Variants in PC observed in about 807,000 individuals in gnomAD.
The protein encoded by PC is pyruvate carboxylase.
In PC, 46 loss-of-function variants were observed where a neutral mutation model predicts 107.8. That is an observed-to-expected ratio of 0.43 (90% confidence interval 0.34 to 0.55). PC has a LOEUF of 0.55. Among genes scored for constraint, PC ranks in the 20% least tolerant of loss-of-function variants. The pLI is 0.04. For missense variants in PC, 1,241 were observed against 1,643.1 expected, an observed-to-expected ratio of 0.76 and a Z score of 4.23; for synonymous variants, 662 against 684.7, an observed-to-expected ratio of 0.97 and a Z score of 0.52.
At chr11:66,936,065 T>G (rs1948994075) in intron 3 of PC, among the ~76,000 whole-genome samples, 1 of 128,408 alleles carries the variant, frequency 7.8e-6, no homozygotes, top group Non-Finnish European at 1.6e-5. Context: ...AGTGACAGAG[T>G]GAGACCCTGT....
intron 3 of PC, among the ~76,000 whole-genome samples, chr11:66,923,679 TC>T (rs1948646680): frequency 6.6e-6 from 1 of 151,638 alleles, no homozygotes; most frequent in Non-Finnish European, 1.5e-5. Flanking sequence ...ACCACCACAC[TC>T]AACTAATTTT....
chr11:66,873,407 TAA>T (rs1165698469), intron 3 of PC, among the ~76,000 whole-genome samples: 2 of 94,934 alleles, frequency 2.1e-5, no homozygotes, highest in Non-Finnish European at 3.9e-5. Flanking sequence ...TAATATAATA[TAA>T]ATATATATAA....
intron 12 of PC, among the ~76,000 whole-genome samples, chr11:66,861,368 G>T (rs1244933364): frequency 6.6e-6 from 1 of 152,248 alleles, no homozygotes; most frequent in Non-Finnish European, 1.5e-5. Context: ...GGCACCCCAG[G>T]CCACGGCAAA....
Position 66,852,354 on chromosome 11 carries a change from C to G in PC, c.1825+85G>C. ...GTGTTCTTCGTGTCAGCGTCTCTAG[C>G]TTGTCCCCAGTGGCCTAAGCCTGTG... is the stretch of plus-strand genomic sequence containing the variant. On this transcript the variant is annotated intron_variant, in intron 15 of 22. Coordinates refer to ENST00000393960, the MANE Select transcript of PC (RefSeq NM_001040716.2). The surrounding 1 kb of genome is among the most constrained non-coding windows in gnomAD (Gnocchi z 4.7). The G allele has an allele frequency of 1.8e-6, 2 of 1,114,706 alleles. No individual in the cohort carries two copies. The highest frequency in any genetic ancestry group is 2.7e-6 in the Non-Finnish European group (2 of 729,048). 69.1% of individuals were successfully genotyped at this position (1,114,706 alleles called of 1,614,324 possible).
chr11:66,892,422 A>C (rs1947611527), intron 3 of PC, among the ~76,000 whole-genome samples: 1 of 152,238 alleles, frequency 6.6e-6, no homozygotes, highest in East Asian at 1.9e-4. Flanking sequence ...AAAAGGGCAA[A>C]GCAACAGTCC....
Position 66,861,135 on chromosome 11 carries a change from G to A in PC, c.1368+2639C>T, listed in dbSNP as rs576551732. On this transcript the variant is annotated intron_variant, in intron 12 of 22. Coordinates refer to ENST00000393960, the MANE Select transcript of PC (RefSeq NM_001040716.2). ...GGGCCTTCCTGGGAAGGCGGCCTTC[G>A]CCCTCCCTCGCTGCAGGGAGGCAGC... Among the ~76,000 whole-genome samples the A allele has an allele frequency of 1.7e-3, 253 of 152,310 alleles. 2 individuals are homozygous for A. Among genetic ancestry groups the A allele is most frequent in the East Asian group, 1.5e-3 (8 of 5,178 alleles).
rs1331955012 is a variant in PC, at chr11:66,857,564, G to A, written c.1369-4181C>T. 1.6e-6 allele frequency: 1 copy of A among 621,296 alleles called. No homozygotes were observed. The highest frequency in any genetic ancestry group is 2.8e-6 in the Non-Finnish European group (1 of 362,904). 38.5% of individuals were successfully genotyped at this position (621,296 alleles called of 1,614,324 possible). ...GGAAATGTGACCTTTGCTCTGGGGG[G>A]CCTGGCCCTGCAGGCCCCAACCTTC... On this transcript the variant is annotated intron_variant, in intron 12 of 22. Transcript: ENST00000393960. The surrounding 1 kb of genome is among the most constrained non-coding windows in gnomAD (Gnocchi z 7.1).
intron 3 of PC, among the ~76,000 whole-genome samples, chr11:66,889,672 T>A (rs911591219): frequency 6.6e-6 from 1 of 152,036 alleles, no homozygotes; most frequent in Non-Finnish European, 1.5e-5. Context: ...ATGTGCCCAG[T>A]CTCACATGTA....
rs533844746 is a variant in PC, at chr11:66,931,073, T to C, written c.-1+21357A>G. Among the ~76,000 whole-genome samples, 129 of 152,014 alleles carry C rather than the reference T, an allele frequency of 8.5e-4. 1 individual carries two copies. The highest frequency in any genetic ancestry group is 3.0e-3 in the African/African-American group (126 of 41,476). On this transcript the variant is annotated intron_variant, in intron 3 of 22. Transcript: ENST00000393960. The stretch of plus-strand genomic sequence containing the variant: ...ACTAACAAGAACAAGAGAATAAATA[T>C]CACAAAATTCAGAATAGCTGGGGTG...
At chr11:66,950,115 A>G (rs543699951) in intron 3 of PC, among the ~76,000 whole-genome samples, 69 of 152,378 alleles carry the variant, frequency 4.5e-4, no homozygotes, top group African/African-American at 1.7e-3. Context: ...GCTCCAAAGC[A>G]GCATAAAGTG....
intron 3 of PC, among the ~76,000 whole-genome samples, chr11:66,947,888 G>A (rs7942348): frequency 0.29 from 42,695 of 149,154 alleles, 6,450 homozygotes; most frequent in Middle Eastern, 0.35. Flanking sequence ...GCTTGAACCC[G>A]GGAGGCAGAG....
chr11:66,851,885 C>T lies in PC; in HGVS notation c.1887G>A (p.Glu629=), dbSNP rs1381211344. The T allele has an allele frequency of 2.5e-6, 4 of 1,613,924 alleles. No homozygotes were observed. The African/African-American group carries it at 4.0e-5, about 16-fold the overall frequency. ...GGATGTTGGGGATGAGCTCCCGGAG[C>T]TCCTGCAGCCGCCGCCAGGGGCACT... ...LYECPWRRLQ[E]LRELIPNIPF... is the part of the protein sequence containing the mutation. Residue 629 remains glutamate (E), a synonymous_variant, in exon 16 of 23, where the codon GAG becomes GAA. Coordinates refer to ENST00000393960, the MANE Select transcript of PC (RefSeq NM_001040716.2).
intron 3 of PC, among the ~76,000 whole-genome samples, chr11:66,913,514 A>T (rs977760894): frequency 6.6e-6 from 1 of 151,818 alleles, no homozygotes; most frequent in Non-Finnish European, 1.5e-5. Context: ...TACTAAAAAA[A>T]TACAAAAATT....
At chr11:66,888,443 A>G (rs1165612713) in intron 3 of PC, among the ~76,000 whole-genome samples, 1 of 152,216 alleles carries the variant, frequency 6.6e-6, no homozygotes, top group African/African-American at 2.4e-5. Context: ...ACAAAGGACT[A>G]AATAAACCAA....
At chr11:66,926,664 A>G (rs992308800) in intron 3 of PC, among the ~76,000 whole-genome samples, 5 of 152,196 alleles carry the variant, frequency 3.3e-5, no homozygotes, top group Non-Finnish European at 1.5e-5. Context: ...ATCCAATTCC[A>G]GAACCTTTTC....
chr11:66,850,179 T>C (rs1945392250), intron 19 of PC, 41 bp downstream of exon 19: 3 of 1,613,566 alleles, frequency 1.9e-6, no homozygotes, highest in African/African-American at 1.3e-5. Context: ...GGCAGGTGCA[T>C]GCAGGGCTGG....
rs1236834501 is a variant in PC at position 66,924,936 on chromosome 11, T to C, written c.-1+27494A>G. On this transcript the variant is annotated intron_variant, in intron 3 of 22. Transcript: ENST00000393960. ...AGGGACAGAGTACAAAAGAGAGAAA[T>C]TTTAAAGCTGGGTGTCCAGGGGAGA... is the stretch of plus-strand genomic sequence containing the variant. Among the ~76,000 whole-genome samples the C allele has an allele frequency of 2.0e-5, 3 of 152,132 alleles. No individual in the cohort carries two copies. In the South Asian group the frequency reaches 6.2e-4, roughly 32 times the overall value.
chr11:66,883,609 C>T (rs900195997), intron 3 of PC, among the ~76,000 whole-genome samples: 1 of 152,146 alleles, frequency 6.6e-6, no homozygotes, highest in African/African-American at 2.4e-5. Flanking sequence ...TTTGTTGACC[C>T]GTCTTGTCTC....
At chr11:66,868,069 C>T (rs1479294741) in intron 10 of PC, among the ~76,000 whole-genome samples, 1 of 152,240 alleles carries the variant, frequency 6.6e-6, no homozygotes, top group African/African-American at 2.4e-5. Flanking sequence ...AAATGTCATC[C>T]TCAGTGCCTG....
Sources: gnomAD v4.1 joint callset for allele counts (sites outside exome capture counted in the v4.1 genomes callset) on GRCh38, gnomAD v4.1.1 for gene constraint, Gnocchi (gnomAD v3.1) non-coding constraint, MANE v1.5 for transcripts, NCBI Gene and HGNC (gene_info 2026-07-23, HGNC 2026-07-21) for gene names.